Variants in RIMBP2 observed in about 807,000 individuals in gnomAD.
RIMBP2 encodes RIMS binding protein 2.
RIMBP2 carries 48 observed loss-of-function variants against 118.6 expected under a neutral mutation model. The ratio of observed to expected loss-of-function variants is 0.40; its 90% CI spans 0.32 to 0.51. The LOEUF is 0.51. RIMBP2 is among the 20% of genes least tolerant of loss of function. RIMBP2 has a pLI of 0.41. For synonymous variants in RIMBP2, 762 were observed against 742.9 expected (o/e 1.03, Z -0.42); for missense variants, 1,551 against 1,768.3 (o/e 0.88, Z 2.20).
At chr12:130,704,316 C>T (rs1023782837) in intron 1 of RIMBP2, among the ~76,000 whole-genome samples, 4 of 152,226 alleles carry the variant, frequency 2.6e-5, no homozygotes, top group African/African-American at 9.7e-5. Flanking sequence ...TGGTTCATGC[C>T]TGTAATCCCA....
rs57435185 is a variant in RIMBP2, at chr12:130,629,768, C to T, written c.-351-1312G>A. Among the ~76,000 whole-genome samples the T allele has an allele frequency of 3.8e-3, 576 of 152,218 alleles. 1 individual carries two copies. The highest frequency in any genetic ancestry group is 0.013 in the African/African-American group (532 of 41,542). On this transcript the variant is annotated intron_variant, in intron 1 of 22. Transcript: ENST00000690449. Reference sequence around the variant, plus strand: ...CCATGTTTGACATGAGGAGATTCTACAACAAAATGTGTTCAGCTCCCTCAC... The same window carrying T: ...CCATGTTTGACATGAGGAGATTCTATAACAAAATGTGTTCAGCTCCCTCAC...
Position 130,446,019 on chromosome 12 carries a change from T to TCC in RIMBP2, c.582-752_582-751dup, listed in dbSNP as rs11287921. 0.059 allele frequency among the ~76,000 whole-genome samples: 6,546 copies of TCC among 111,412 alleles called. 184 individuals carry two copies. Among genetic ancestry groups the TCC allele is most frequent in the East Asian group, 0.23 (728 of 3,146 alleles). The allele number at this position is 111,412 out of a possible 152,430, so 73.1% of individuals were successfully genotyped here. ...GAAAAACAGACGCATGATTTTATGC[T>TCC]CCCCCCCCCCACACCCCCAGGAATA... On this transcript the variant is annotated intron_variant, in intron 9 of 22. Coordinates refer to ENST00000690449, the MANE Select transcript of RIMBP2 (RefSeq NM_001393629.1). This position sits in a 1 kb window ranked among gnomAD's most constrained non-coding sequence, Gnocchi z 4.1.
At chr12:130,664,398 C>CACACAT (rs1566438844) in intron 1 of RIMBP2, among the ~76,000 whole-genome samples, 3 of 97,734 alleles carry the variant, frequency 3.1e-5, no homozygotes, top group Non-Finnish European at 7.2e-5. Flanking sequence ...TGCACACACA[C>CACACAT]GCACGCACGC....
At chr12:130,416,818 T>C (rs1356205978) in intron 17 of RIMBP2, among the ~76,000 whole-genome samples, 1 of 152,166 alleles carries the variant, frequency 6.6e-6, no homozygotes, top group Non-Finnish European at 1.5e-5. Context: ...AAATTGTGCA[T>C]CTGACAAAGG....
intron 2 of RIMBP2, among the ~76,000 whole-genome samples, chr12:130,566,316 G>T (rs1234572740): frequency 6.6e-6 from 1 of 152,128 alleles, no homozygotes; most frequent in East Asian, 1.9e-4. Context: ...TAGACAAGAG[G>T]TGCAAGGTGG....
rs1334059551 is a variant in RIMBP2 at position 130,446,921 on chromosome 12, T to TGAGGGACTGAGGTGCAG, written c.582-1669_582-1653dup. On this transcript the variant is annotated intron_variant, in intron 9 of 22. Transcript: ENST00000690449. This position sits in a 1 kb window ranked among gnomAD's most constrained non-coding sequence, Gnocchi z 4.1. ...AATGCGGGTTGCCTGGCTGCAGGGA[T>TGAGGGACTGAGGTGCAG]GAGGGACTGAGGTGCAGGAGGACCC... is the stretch of plus-strand genomic sequence containing the variant. Among the ~76,000 whole-genome samples, 1 of 146,534 alleles carries TGAGGGACTGAGGTGCAG rather than the reference T, an allele frequency of 6.8e-6. No homozygotes were observed. Among genetic ancestry groups the TGAGGGACTGAGGTGCAG allele is most frequent in the Non-Finnish European group, 1.5e-5 (1 of 67,394 alleles).
Position 130,646,135 on chromosome 12 carries a change from C to T in RIMBP2, c.-351-17679G>A, listed in dbSNP as rs1190464376. On this transcript the variant is annotated intron_variant, in intron 1 of 22. Transcript: ENST00000690449. ...CCTCCCTCACCACCTGCCTCTCCAC[C>T]TCCCTCACCACCTGCCTCTCCACCT... Among the ~76,000 whole-genome samples the T allele has an allele frequency of 2.9e-3, 294 of 100,694 alleles. 5 individuals are homozygous for T. The highest frequency in any genetic ancestry group is 4.0e-3 in the Non-Finnish European group (180 of 44,714). The allele number at this position is 100,694 out of a possible 152,430, so 66.1% of individuals were successfully genotyped here.
intron 1 of RIMBP2, among the ~76,000 whole-genome samples, chr12:130,650,008 C>CA (rs528359614): frequency 4.0e-5 from 6 of 151,586 alleles, no homozygotes; most frequent in Admixed American, 3.9e-4. Flanking sequence ...GAGGGAGGTG[C>CA]AGAGTATATT....
intron 13 of RIMBP2, among the ~76,000 whole-genome samples, chr12:130,435,971 G>T (rs563540727): frequency 1.3e-5 from 2 of 152,344 alleles, no homozygotes; most frequent in South Asian, 2.1e-4. Context: ...ACACTCACAG[G>T]AGGACAGTGT....
chr12:130,709,419 G>A (rs982971434), intron 1 of RIMBP2, among the ~76,000 whole-genome samples: 2 of 152,232 alleles, frequency 1.3e-5, no homozygotes, highest in Non-Finnish European at 2.9e-5. Context: ...TGGGCGTGAC[G>A]CCCGACAGCA....
chr12:130,664,790 T>A (rs1000680218), intron 1 of RIMBP2, among the ~76,000 whole-genome samples: 15 of 151,762 alleles, frequency 9.9e-5, no homozygotes, highest in Non-Finnish European at 4.4e-5. Context: ...TTTAAAATAA[T>A]GGCAATAAAT....
intron 4 of RIMBP2, among the ~76,000 whole-genome samples, chr12:130,486,508 C>T (rs1013280968): frequency 1.3e-5 from 2 of 151,746 alleles, no homozygotes; most frequent in African/African-American, 2.4e-5. Context: ...TCATTATCCC[C>T]ACATGGATGT....
intron 2 of RIMBP2, among the ~76,000 whole-genome samples, chr12:130,522,974 G>A (rs79651785): frequency 0.039 from 5,942 of 152,044 alleles, 206 homozygotes; most frequent in African/African-American, 0.091. Flanking sequence ...CTCTCTCTCA[G>A]TCTCACTCTG....
intron 2 of RIMBP2, among the ~76,000 whole-genome samples, chr12:130,600,152 T>C (rs1257597075): frequency 2.0e-5 from 3 of 152,246 alleles, no homozygotes; most frequent in Admixed American, 2.0e-4. Flanking sequence ...AAAATCTACC[T>C]GTGCCCCGAC....
chr12:130,516,925 G>A (rs2051527513), intron 3 of RIMBP2, among the ~76,000 whole-genome samples: 1 of 152,170 alleles, frequency 6.6e-6, no homozygotes, highest in South Asian at 2.1e-4. Context: ...TTGGCATCTG[G>A]GAAAGAGAAG....
rs893890914 is a variant in RIMBP2 at position 130,623,237 on chromosome 12, T to G, written c.-217+5085A>C. ...CTTTTTCTATATATTTCAACACTTA[T>G]ACAAATAGAAGCACTTTTATTTTAC... On this transcript the variant is annotated intron_variant, in intron 2 of 22. Transcript: ENST00000690449. The surrounding 1 kb of genome is among the most constrained non-coding windows in gnomAD (Gnocchi z 4.1). Among the ~76,000 whole-genome samples, 4 of 152,224 alleles carry G rather than the reference T, an allele frequency of 2.6e-5. No individual in the cohort carries two copies. The highest frequency in any genetic ancestry group is 5.9e-5 in the Non-Finnish European group (4 of 68,040).
chr12:130,653,036 A>G (rs2063291443), intron 1 of RIMBP2, among the ~76,000 whole-genome samples: 1 of 152,018 alleles, frequency 6.6e-6, no homozygotes, highest in South Asian at 2.1e-4. Flanking sequence ...CAACATCCCA[A>G]CCGTATCATT....
rs1167978572 is a variant in RIMBP2 at position 130,419,934 on chromosome 12, A to G, written c.3238+2519T>C. 1 of 152,226 alleles carries G rather than the reference A, an allele frequency of 6.6e-6. No homozygotes were observed. The highest frequency in any genetic ancestry group is 1.5e-5 in the Non-Finnish European group (1 of 68,050). 9.4% of individuals were successfully genotyped at this position (152,226 alleles called of 1,614,324 possible). A position where few individuals can be genotyped will look rare whatever the true frequency, so the allele number is the denominator to read the frequency against. On this transcript the variant is annotated intron_variant, in intron 17 of 22. Coordinates refer to ENST00000690449, the MANE Select transcript of RIMBP2 (RefSeq NM_001393629.1). The surrounding 1 kb of genome is among the most constrained non-coding windows in gnomAD (Gnocchi z 4.3). ...GAAGGACATTTTTTAAATTTTGGAA[A>G]TCCAGAAAATATTAAAATTTATATT...
chr12:130,537,239 T>C (rs542733040), intron 2 of RIMBP2, among the ~76,000 whole-genome samples: 1 of 152,298 alleles, frequency 6.6e-6, no homozygotes, highest in East Asian at 1.9e-4. Flanking sequence ...TTCCACAGAA[T>C]GCATTTCAAG....
Sources: gnomAD v4.1 joint callset for allele counts (sites outside exome capture counted in the v4.1 genomes callset) on GRCh38, gnomAD v4.1.1 for gene constraint, Gnocchi (gnomAD v3.1) non-coding constraint, MANE v1.5 for transcripts, NCBI Gene and HGNC (gene_info 2026-07-23, HGNC 2026-07-21) for gene names.